COL6A3: variants seen among roughly 807,000 people sequenced by gnomAD.
The protein encoded by COL6A3 is collagen type VI alpha 3 chain, also known as collagen alpha-3(VI) chain.
Under a neutral mutation model 274.1 loss-of-function variants are expected in COL6A3, and 137 were observed. That is an observed-to-expected ratio of 0.50 (90% CI 0.44 to 0.58). COL6A3 has a LOEUF of 0.58. COL6A3 is among the 20% of genes least tolerant of loss of function. The pLI is 0.00. For missense variants in COL6A3, 3,950 were observed against 4,124.9 expected, an observed-to-expected ratio of 0.96 and a Z score of 1.16; for synonymous variants, 1,650 against 1,650.6, an observed-to-expected ratio of 1.00 and a Z score of 0.01.
chr2:237,366,693 C>G lies in COL6A3; in HGVS notation c.5494G>C (p.Ala1832Pro). ...ETLCPGVTDA[A>P]KACNLDVILG... The stretch of plus-strand genomic sequence containing the variant: ...TGCACATAATGGGAGTTACCTTTGG[C>G]AGCATCAGTTACACCAGGGCAAAGG... Residue 1832 changes from alanine to proline, a missense_variant, in exon 11 of 44, where the codon GCC (alanine) becomes CCC (proline). Ala to Pro is a conservative substitution (Grantham distance 27). Transcript: ENST00000295550. 1 of 1,614,230 alleles carries G rather than the reference C, an allele frequency of 6.2e-7. No individual in the cohort carries two copies. Among genetic ancestry groups the G allele is most frequent in the South Asian group, 1.1e-5 (1 of 91,082 alleles).
intron 2 of COL6A3, 96 bp from the exon 3 acceptor site, chr2:237,395,300 A>C: frequency 7.9e-7 from 1 of 1,273,346 alleles, no homozygotes; most frequent in Non-Finnish European, 1.1e-6. Flanking sequence ...TTTACACTAT[A>C]CTGCTACTAA....
chr2:237,391,501 T>C lies in COL6A3; in HGVS notation c.709+3086A>G, dbSNP rs961412549. Among the ~76,000 whole-genome samples the C allele has an allele frequency of 2.9e-5, 4 of 139,160 alleles. No individual in the cohort carries two copies. In the Admixed American group the frequency reaches 2.9e-4, roughly 10 times the overall value. The allele number at this position is 139,160 out of a possible 152,430, so 91.3% of individuals were successfully genotyped here. A position where few individuals can be genotyped will look rare whatever the true frequency, so the allele number is the denominator to read the frequency against. On this transcript the variant is annotated intron_variant, in intron 3 of 43. Coordinates refer to ENST00000295550, the MANE Select transcript of COL6A3 (RefSeq NM_004369.4). ...TGTTCCATTTCTCTACTGGTCCCTT[T>C]CACTGTTTGTTTGTTTGTTTGTTTG...
chr2:237,366,253 T>A (rs939212659), intron 11 of COL6A3, among the ~76,000 whole-genome samples: 3 of 152,218 alleles, frequency 2.0e-5, no homozygotes, highest in African/African-American at 7.2e-5. Flanking sequence ...TAAGCTATTT[T>A]AAAAAGTCAG....
chr2:237,409,821 T>C (rs2106407843), intron 1 of COL6A3, among the ~76,000 whole-genome samples: 1 of 152,340 alleles, frequency 6.6e-6, no homozygotes, highest in South Asian at 2.1e-4. Flanking sequence ...ATGGCATGAA[T>C]ATGCAAACCT....
At position 237,361,653 on chromosome 2, in the gene COL6A3, C is replaced by T; in HGVS notation, c.6156+86G>A. 8.2e-7 allele frequency: 1 copy of T among 1,221,428 alleles called. No homozygotes were observed. Among genetic ancestry groups the T allele is most frequent in the Non-Finnish European group, 1.2e-6 (1 of 821,812 alleles). 75.7% of individuals were successfully genotyped at this position (1,221,428 alleles called of 1,614,324 possible). ...TCGTCTCCTCCTTCATCTCCACACT[C>T]TTCTGTTAGAGAAATTACCCCACCA... On this transcript the variant is annotated intron_variant, in intron 15 of 43. Coordinates refer to ENST00000295550, the MANE Select transcript of COL6A3 (RefSeq NM_004369.4). This position sits in a 1 kb window ranked among gnomAD's most constrained non-coding sequence, Gnocchi z 5.1.
intron 4 of COL6A3, among the ~76,000 whole-genome samples, chr2:237,382,592 G>A (rs1006578490): frequency 1.3e-5 from 2 of 152,202 alleles, no homozygotes; most frequent in Non-Finnish European, 2.9e-5. Flanking sequence ...ACCTGACAGA[G>A]ATTCCAAGAA....
rs1437538343 is a variant in COL6A3, at chr2:237,332,113, A to AT, written c.9328+1336dup. 3.8e-3 allele frequency among the ~76,000 whole-genome samples: 354 copies of AT among 93,912 alleles called. 60 individuals are homozygous for AT. Among genetic ancestry groups the AT allele is most frequent in the Middle Eastern group, 5.3e-3 (1 of 190 alleles). The allele number at this position is 93,912 out of a possible 152,430, so 61.6% of individuals were successfully genotyped here. ...TATATATATATATATATATATATAT[A>AT]TATATGAAAAGAAAAACAAAACAGC... On this transcript the variant is annotated intron_variant, in intron 42 of 43. Coordinates refer to ENST00000295550, the MANE Select transcript of COL6A3 (RefSeq NM_004369.4).
At chr2:237,372,579 G>A (rs185718090) in intron 8 of COL6A3, among the ~76,000 whole-genome samples, 1 of 152,230 alleles carries the variant, frequency 6.6e-6, no homozygotes, top group Admixed American at 6.5e-5. Flanking sequence ...CACCAGCGAG[G>A]ATGGTACTTG....
In COL6A3 at chr2:237,365,703, C is replaced by G. The variant is rs113332380; in HGVS notation, c.5833G>C (p.Val1945Leu). ...AACCAACTGGCCCCACAGACCTTCA[C>G]GCTGTCCGGCGAGGACTGTCTGAAC... ...NKFRQSSPDS[V>L]KVVIHFTDGA... Residue 1945 changes from valine (V) to leucine (L), a missense_variant, in exon 12 of 44, where the codon GTG becomes CTG. Coordinates refer to ENST00000295550, the MANE Select transcript of COL6A3 (RefSeq NM_004369.4). 3.4e-4 allele frequency: 547 copies of G among 1,614,172 alleles called. 1 individual carries two copies. Among genetic ancestry groups the G allele is most frequent in the Middle Eastern group, 8.2e-4 (5 of 6,062 alleles).
chr2:237,372,599 T>C (rs2077722342), intron 8 of COL6A3, among the ~76,000 whole-genome samples: 1 of 152,210 alleles, frequency 6.6e-6, no homozygotes, highest in Admixed American at 6.5e-5. Flanking sequence ...GGGAAGGACG[T>C]GACCTGCACT....
Position 237,353,376 on chromosome 2 carries a change from C to T in COL6A3, c.6655G>A (p.Gly2219Ser), listed in dbSNP as rs1301613725. The change falls in exon 25 of 44, where the codon GGC (glycine) becomes AGC (serine). Residue 2219 changes from glycine (G) to serine (S), a missense_variant. Coordinates refer to ENST00000295550, the MANE Select transcript of COL6A3 (RefSeq NM_004369.4). The part of the protein sequence containing the change: ...KGNKGGPGQP[G>S]FEGEQGTRGA... ...CTGGTCCCCTGCTCTCCCTCAAAGCCCGGCTGGCCAGGACCGCCCTTGTTG... is the reference window on the plus strand; with the variant it reads ...CTGGTCCCCTGCTCTCCCTCAAAGCTCGGCTGGCCAGGACCGCCCTTGTTG... 3.1e-6 allele frequency: 5 copies of T among 1,614,156 alleles called. No homozygotes were observed. The highest frequency in any genetic ancestry group is 4.2e-6 in the Non-Finnish European group (5 of 1,180,044).
At chr2:237,335,313 T>C (rs1435464834) in intron 40 of COL6A3, among the ~76,000 whole-genome samples, 1 of 152,232 alleles carries the variant, frequency 6.6e-6, no homozygotes, top group East Asian at 1.9e-4. Context: ...CAAATGAAGA[T>C]AATTTCCATT....
At chr2:237,342,198 A>C in intron 36 of COL6A3, 37 bp from the exon 37 acceptor site, 1 of 1,512,016 alleles carries the variant, frequency 6.6e-7, no homozygotes, top group East Asian at 2.3e-5. Flanking sequence ...GTAGGGGCGT[A>C]CATGATCAGT....
At chr2:237,357,309 G>C (rs550616320) in intron 23 of COL6A3, 29 bp downstream of exon 23, 12 of 1,607,228 alleles carry the variant, frequency 7.5e-6, no homozygotes, top group Admixed American at 3.3e-5. Context: ...AATTGTCACA[G>C]AGCCCCCCAA....
intron 3 of COL6A3, among the ~76,000 whole-genome samples, chr2:237,392,986 C>T (rs951834151): frequency 2.0e-5 from 3 of 152,210 alleles, no homozygotes; most frequent in African/African-American, 7.2e-5. Flanking sequence ...CTCCAGGACT[C>T]TCCTTCCGAG....
At position 237,333,492 on chromosome 2, in the gene COL6A3, T is replaced by TA; in HGVS notation, c.9285_9286insT (p.Asn3096Ter). On this transcript the variant is annotated frameshift_variant, in exon 42 of 44. Transcript: ENST00000295550. LOFTEE classifies it high-confidence loss of function. ...AATGGTTCTGTGCTCACCATTAGATTGATGGTTGAACTAGAAGCTGACCTT... is the reference window on the plus strand; with the variant it reads ...AATGGTTCTGTGCTCACCATTAGATTAGATGGTTGAACTAGAAGCTGACCTT... 1 of 1,614,214 alleles carries TA rather than the reference T, an allele frequency of 6.2e-7. No homozygotes were observed. The highest frequency in any genetic ancestry group is 8.5e-7 in the Non-Finnish European group (1 of 1,180,034).
intron 23 of COL6A3, chr2:237,355,672 C>T (rs1400827020): frequency 6.6e-6 from 1 of 152,238 alleles, no homozygotes; most frequent in Non-Finnish European, 1.5e-5. Context: ...GACCGACTAG[C>T]TCTGTTGTGG....
At chr2:237,354,819 G>A in intron 24 of COL6A3, 80 bp downstream of exon 24, 1 of 1,219,258 alleles carries the variant, frequency 8.2e-7, no homozygotes, top group Non-Finnish European at 1.2e-6. Context: ...GTTCACAGGA[G>A]AGAGTGTTTT....
chr2:237,359,498 T>G, intron 17 of COL6A3, 110 bp from the exon 18 acceptor site: 2 of 1,113,766 alleles, frequency 1.8e-6, no homozygotes. Flanking sequence ...AATGTTGCAG[T>G]GTCTGAAAAT....
Sources: gnomAD v4.1 joint callset for allele counts (sites outside exome capture counted in the v4.1 genomes callset) on GRCh38, gnomAD v4.1.1 for gene constraint, Gnocchi (gnomAD v3.1) non-coding constraint, MANE v1.5 for transcripts, NCBI Gene and HGNC (gene_info 2026-07-23, HGNC 2026-07-21) for gene names.